REPS2: variants seen among roughly 807,000 people sequenced by gnomAD.
REPS2 encodes the protein ralBP1-associated Eps domain-containing protein 2.
In REPS2, 23 loss-of-function variants were observed where a neutral mutation model predicts 53.6. The ratio of observed to expected loss-of-function variants is 0.43; its 90% confidence interval spans 0.31 to 0.61. The LOEUF is 0.61. Among genes scored for constraint, REPS2 ranks in the 20% least tolerant of loss-of-function variants. The pLI is 0.11. For missense variants in REPS2, 446 were observed against 534.9 expected, an observed-to-expected ratio of 0.83 and a Z score of 1.64; for synonymous variants, 238 against 218.6, an observed-to-expected ratio of 1.09 and a Z score of -0.78.
chrX:17,041,896 T>A (rs927118324), intron 5 of REPS2, among the ~76,000 whole-genome samples: 12 of 112,320 alleles, frequency 1.1e-4, no homozygotes, highest in Non-Finnish European at 1.7e-4. Context: ...AGTTTGATAG[T>A]AGGGGTAAAT....
the REPS2 span, among the ~76,000 whole-genome samples, chrX:17,181,756 A>G: frequency 9.0e-6 from 1 of 111,722 alleles, no homozygotes; most frequent in Non-Finnish European, 1.9e-5. Context: ...CTCCATAATC[A>G]CTCTTTCTCT....
intron 13 of REPS2, among the ~76,000 whole-genome samples, chrX:17,101,167 C>T (rs994485020): frequency 9.3e-6 from 1 of 107,444 alleles, no homozygotes; most frequent in African/African-American, 3.4e-5. Flanking sequence ...CATTCTCCTG[C>T]CTCAGCCTCC....
At chrX:17,050,165 T>C (rs911134311) in intron 6 of REPS2, among the ~76,000 whole-genome samples, 895 of 43,827 alleles carry the variant, frequency 0.02, 3 homozygotes, top group East Asian at 0.12. Flanking sequence ...TTTCTTTCTT[T>C]CTTTCTTTCT....
intron 1 of REPS2, among the ~76,000 whole-genome samples, chrX:16,994,957 A>T (rs920104954): frequency 8.9e-6 from 1 of 112,365 alleles, no homozygotes; most frequent in Non-Finnish European, 1.9e-5. Context: ...GGAAAATTTC[A>T]TAAACACTGG....
rs113293937 is a variant in REPS2, at chrX:16,988,275, G to A, written c.274-17946G>A. ...CCTGGGCAACAGAGTGACACCGCCT[G>A]TCTCAGAAAACAAAACAAAAACCTG... is the stretch of plus-strand genomic sequence containing the variant. On this transcript the variant is annotated intron_variant, in intron 1 of 17. Transcript: ENST00000357277. Among the ~76,000 whole-genome samples the A allele has an allele frequency of 4.4e-3, 495 of 111,318 alleles. 2 individuals are homozygous for A. The highest frequency in any genetic ancestry group is 0.015 in the African/African-American group (475 of 30,655).
chrX:17,153,160 T>G lies in REPS2; in HGVS notation c.*5679T>G, dbSNP rs771646301. 1.2e-4 allele frequency: 14 copies of G among 112,542 alleles called. No individual in the cohort carries two copies. The highest frequency in any genetic ancestry group is 5.6e-5 in the Non-Finnish European group (3 of 53,254). 9.3% of individuals were successfully genotyped at this position (112,542 alleles called of 1,213,427 possible). ...ACTCAAGCTAACCTTACTGCCTCTT[T>G]TTCACACTTGTTGAAAAGTCTGTGA... is the stretch of plus-strand genomic sequence containing the variant. On this transcript the variant is annotated 3_prime_UTR_variant, in exon 18 of 18. Transcript: ENST00000357277.
At chrX:17,037,024 C>T (rs941035504) in intron 5 of REPS2, among the ~76,000 whole-genome samples, 2 of 110,918 alleles carry the variant, frequency 1.8e-5, no homozygotes, top group African/African-American at 6.6e-5. Flanking sequence ...CTCCAGGTGT[C>T]CTACTTCACT....
chrX:17,163,453 A>T, the REPS2 span, among the ~76,000 whole-genome samples: 1 of 111,988 alleles, frequency 8.9e-6, no homozygotes, highest in Non-Finnish European at 1.9e-5. Context: ...CCCAAATTTG[A>T]TGACAAACAT....
intron 13 of REPS2, among the ~76,000 whole-genome samples, chrX:17,087,989 T>TA (rs2062563817): frequency 9.3e-6 from 1 of 107,478 alleles, no homozygotes; most frequent in Non-Finnish European, 1.9e-5. Flanking sequence ...TAAAGATACA[T>TA]AAGATAGATA....
At chrX:17,193,550 G>T in the REPS2 span, among the ~76,000 whole-genome samples, 15 of 111,360 alleles carry the variant, frequency 1.3e-4, no homozygotes, top group African/African-American at 4.9e-4. Context: ...TCAGAGGGCT[G>T]GCTCATTATT....
intron 1 of REPS2, among the ~76,000 whole-genome samples, chrX:16,954,275 A>T (rs1324299495): frequency 1.8e-5 from 2 of 111,744 alleles, no homozygotes; most frequent in African/African-American, 6.5e-5. Context: ...TCATCTTTTT[A>T]AAAATGGAAC....
chrX:17,097,298 A>G lies in REPS2; in HGVS notation c.1517-6420A>G, dbSNP rs1408143964. Among the ~76,000 whole-genome samples, 3 of 112,291 alleles carry G rather than the reference A, an allele frequency of 2.7e-5. No individual in the cohort carries two copies. The Admixed American group carries it at 2.8e-4, about 11-fold the overall frequency. On this transcript the variant is annotated intron_variant, in intron 13 of 17. Transcript: ENST00000357277. ...AGGGGAAAAATGACTTTTCAATCAA[A>G]TAAACTAAGTTTGCTACTAATAGAC... is the stretch of plus-strand genomic sequence containing the variant.
intron 13 of REPS2, among the ~76,000 whole-genome samples, chrX:17,083,797 C>A (rs2062493382): frequency 1.8e-5 from 2 of 110,862 alleles, no homozygotes; most frequent in African/African-American, 3.3e-5. Context: ...GATTCCTGAC[C>A]CACCCCAAAC....
chrX:17,016,664 C>A (rs1482507595), intron 2 of REPS2, among the ~76,000 whole-genome samples: 1 of 111,328 alleles, frequency 9.0e-6, no homozygotes. Context: ...CCATCTTGGT[C>A]TCCCAAAGTG....
intron 3 of REPS2, 130 bp from the exon 4 acceptor site, chrX:17,024,929 A>G (rs1194576148): frequency 8.6e-6 from 8 of 927,273 alleles, no homozygotes; most frequent in Non-Finnish European, 1.2e-5. Flanking sequence ...TGCATTTTTG[A>G]GAAAACATTT....
downstream of REPS2, among the ~76,000 whole-genome samples, chrX:17,153,540 G>A (rs1158614951): frequency 1.8e-5 from 2 of 111,631 alleles, no homozygotes; most frequent in African/African-American, 6.5e-5. Flanking sequence ...GTGGGGCCAG[G>A]TTATTTGCTT....
At chrX:16,972,700 A>G (rs988580472) in intron 1 of REPS2, among the ~76,000 whole-genome samples, 2 of 111,451 alleles carry the variant, frequency 1.8e-5, no homozygotes, top group African/African-American at 3.3e-5. Flanking sequence ...CAAGCCAGGT[A>G]TTATTGTTTA....
chrX:17,179,671 G>T, the REPS2 span, among the ~76,000 whole-genome samples: 16 of 111,640 alleles, frequency 1.4e-4, no homozygotes, highest in South Asian at 2.3e-3. Context: ...GAGTTTTGGG[G>T]TGGTTTGTTG....
the REPS2 span, among the ~76,000 whole-genome samples, chrX:17,190,307 T>C: frequency 8.9e-6 from 1 of 112,180 alleles, no homozygotes; most frequent in African/African-American, 3.2e-5. Context: ...ACAAGACAAA[T>C]ACACAAAAAT....
Sources: allele counts gnomAD v4.1 joint callset (sites outside exome capture counted in the v4.1 genomes callset), GRCh38; gene constraint gnomAD v4.1.1; transcripts MANE v1.5; gene names NCBI Gene and HGNC (gene_info 2026-07-23, HGNC 2026-07-21).